The following RCN1 variants were observed in gnomAD, a reference collection of about 807,000 sequenced individuals.
The protein encoded by RCN1 is reticulocalbin-1.
Under a neutral mutation model 34.7 loss-of-function variants are expected in RCN1, and 14 were observed. That is an observed-to-expected ratio of 0.40 (90% CI 0.27 to 0.63). RCN1 has a LOEUF of 0.63. Ranked by LOEUF, RCN1 falls within the 30% of genes least tolerant of loss-of-function variation. The pLI is 0.37. For synonymous variants in RCN1, 125 were observed against 165.5 expected, an observed-to-expected ratio of 0.76 and a Z score of 1.88; for missense variants, 326 against 425.1, an observed-to-expected ratio of 0.77 and a Z score of 2.05.
At chr11:32,103,610 C>A in intron 5 of RCN1, 130 bp downstream of exon 5, 1 of 757,306 alleles carries the variant, frequency 1.3e-6, no homozygotes, top group Non-Finnish European at 2.2e-6. Flanking sequence ...TCTTGTCCTA[C>A]AGTGGAGACC....
chr11:32,095,332 G>T (rs1401399197), intron 1 of RCN1, among the ~76,000 whole-genome samples: 1 of 151,018 alleles, frequency 6.6e-6, no homozygotes, highest in African/African-American at 2.4e-5. Flanking sequence ...CTGCAGCCTC[G>T]ACCTCCTGGG....
chr11:32,099,024 A>G (rs1164617311), intron 3 of RCN1, among the ~76,000 whole-genome samples: 1 of 152,220 alleles, frequency 6.6e-6, no homozygotes, highest in Non-Finnish European at 1.5e-5. Context: ...ACGTGCCTAG[A>G]AAGAGTAAAT....
intron 1 of RCN1, among the ~76,000 whole-genome samples, chr11:32,095,201 C>T (rs947517305): frequency 1.3e-5 from 2 of 151,846 alleles, no homozygotes; most frequent in African/African-American, 4.8e-5. Context: ...GCTATGATTT[C>T]CTGGGGGAAG....
At chr11:32,104,331 C>T in intron 5 of RCN1, 34 bp from the exon 6 acceptor site, 5 of 1,270,464 alleles carry the variant, frequency 3.9e-6, no homozygotes, top group Non-Finnish European at 4.6e-6. Flanking sequence ...GTTACCAGAG[C>T]TTCCATGACA....
rs1851921128 is a variant in RCN1 at position 32,091,492 on chromosome 11, TCCGAGGG to T, written c.254+46_254+52del. ...GGCCCCGTGGGGGGCGGCGCAGGTG[TCCGAGGG>T]CCGCCTGGGCGAGAGCCACGCGGGA... On this transcript the variant is annotated intron_variant, in intron 1 of 5. Coordinates refer to ENST00000054950, the MANE Select transcript of RCN1 (RefSeq NM_002901.4). The T allele has an allele frequency of 3.9e-6, 6 of 1,525,228 alleles. No individual in the cohort carries two copies. The East Asian group carries it at 1.5e-4, about 39-fold the overall frequency. 94.5% of individuals were successfully genotyped at this position (1,525,228 alleles called of 1,614,324 possible). A position where few individuals can be genotyped will look rare whatever the true frequency, so the allele number is the denominator to read the frequency against.
chr11:32,102,931 G>A (rs1018101346), intron 4 of RCN1: 2 of 450,898 alleles, frequency 4.4e-6, no homozygotes, highest in African/African-American at 4.0e-5. Flanking sequence ...GGTTGTAGAG[G>A]GCTTTTACAT....
chr11:32,092,346 G>T (rs1435689460), intron 1 of RCN1, among the ~76,000 whole-genome samples: 2 of 152,088 alleles, frequency 1.3e-5, no homozygotes, highest in Non-Finnish European at 2.9e-5. Context: ...CTAGTGTAGG[G>T]ATACAAAAAT....
intron 1 of RCN1, among the ~76,000 whole-genome samples, chr11:32,093,827 T>A (rs559684718): frequency 3.0e-4 from 45 of 152,108 alleles, no homozygotes; most frequent in Non-Finnish European, 5.7e-4. Flanking sequence ...ACAGAGAACA[T>A]AATCAAGGCA....
At chr11:32,093,710 CAGGA>C (rs1428175785) in intron 1 of RCN1, among the ~76,000 whole-genome samples, 4 of 152,150 alleles carry the variant, frequency 2.6e-5, no homozygotes, top group Non-Finnish European at 5.9e-5. Flanking sequence ...AAGGGCAGAG[CAGGA>C]AGGACCTTGG....
At chr11:32,095,904 A>G (rs1225106142) in intron 1 of RCN1, among the ~76,000 whole-genome samples, 1 of 152,090 alleles carries the variant, frequency 6.6e-6, no homozygotes, top group Non-Finnish European at 1.5e-5. Context: ...GCTGTTGGTG[A>G]TGTTTACACC....
At chr11:32,100,235 T>A (rs1042405866) in intron 3 of RCN1, among the ~76,000 whole-genome samples, 17 of 152,082 alleles carry the variant, frequency 1.1e-4, no homozygotes, top group African/African-American at 4.1e-4. Flanking sequence ...CCCCAGTGGG[T>A]GTTTTGGCTG....
At chr11:32,104,254 A>T in intron 5 of RCN1, 111 bp from the exon 6 acceptor site, 2 of 665,408 alleles carry the variant, frequency 3.0e-6, no homozygotes, top group Non-Finnish European at 5.2e-6. Context: ...CTTCTGGATT[A>T]CTAAATATAG....
intron 3 of RCN1, 76 bp downstream of exon 3, chr11:32,098,604 G>C (rs759742197): frequency 1.6e-6 from 2 of 1,222,076 alleles, no homozygotes; most frequent in African/African-American, 3.1e-5. Flanking sequence ...CTTCCAAAGA[G>C]AGAAGATTTT....
At position 32,092,738 on chromosome 11, in the gene RCN1, T is replaced by C. The variant is rs138940036; in HGVS notation, c.254+1288T>C. ...GGGAAGAAACCAGCAGTCCTGCCTA[T>C]TGGGCACCAGGTCTCAGATCTCCCT... On this transcript the variant is annotated intron_variant, in intron 1 of 5. Coordinates refer to ENST00000054950, the MANE Select transcript of RCN1 (RefSeq NM_002901.4). 3.6e-3 allele frequency among the ~76,000 whole-genome samples: 545 copies of C among 152,186 alleles called. 3 individuals are homozygous for C. The highest frequency in any genetic ancestry group is 0.015 in the East Asian group (80 of 5,164).
Position 32,097,381 on chromosome 11 carries a change from C to T in RCN1, c.448+44C>T. On this transcript the variant is annotated intron_variant, in intron 2 of 5. Transcript: ENST00000054950. ...GCGATGACACAGTGGGGGCCCAGAT[C>T]ACAAGCTTTTTGTAGACTCTCTCTT... The T allele has an allele frequency of 2.9e-6, 4 of 1,386,076 alleles. No homozygotes were observed. In the South Asian group the frequency reaches 4.8e-5, roughly 17 times the overall value. 85.9% of individuals were successfully genotyped at this position (1,386,076 alleles called of 1,614,324 possible).
Position 32,091,113 on chromosome 11 carries a change from G to A in RCN1, c.-84G>A. The A allele has an allele frequency of 3.0e-6, 4 of 1,354,940 alleles. No individual in the cohort carries two copies. Among genetic ancestry groups the A allele is most frequent in the Non-Finnish European group, 3.8e-6 (4 of 1,058,266 alleles). 83.9% of individuals were successfully genotyped at this position (1,354,940 alleles called of 1,614,324 possible). On this transcript the variant is annotated 5_prime_UTR_variant, in exon 1 of 6. Transcript: ENST00000054950. The stretch of plus-strand genomic sequence containing the variant: ...CGCCGGCCCCAACCCTGTCGCTGCC[G>A]CCGCGCTCCGAGTCCCCATTCCCGA...
chr11:32,092,828 C>G (rs1728355688), intron 1 of RCN1, among the ~76,000 whole-genome samples: 1 of 152,136 alleles, frequency 6.6e-6, no homozygotes, highest in Non-Finnish European at 1.5e-5. Flanking sequence ...ACAGCCATCC[C>G]TGTGCTCCTG....
chr11:32,093,759 C>T (rs547239546), intron 1 of RCN1, among the ~76,000 whole-genome samples: 1 of 152,198 alleles, frequency 6.6e-6, no homozygotes, highest in South Asian at 2.1e-4. Context: ...TGTACATTGT[C>T]AAAATGTCAT....
In RCN1 at chr11:32,091,186, T is replaced by C; in HGVS notation, c.-11T>C. ...CAGCGTCTCCCTCTCGGCCGCCCTC[T>C]CCTCGGGACGATGGCGCGCGGTGGC... On this transcript the variant is annotated 5_prime_UTR_variant, in exon 1 of 6. Transcript: ENST00000054950. 7.1e-7 allele frequency: 1 copy of C among 1,412,540 alleles called. No homozygotes were observed. The highest frequency in any genetic ancestry group is 1.5e-5 in the African/African-American group (1 of 65,556). The allele number at this position is 1,412,540 out of a possible 1,614,324, so 87.5% of individuals were successfully genotyped here.
Sources: allele counts gnomAD v4.1 joint callset (sites outside exome capture counted in the v4.1 genomes callset), GRCh38; gene constraint gnomAD v4.1.1; transcripts MANE v1.5; gene names NCBI Gene and HGNC (gene_info 2026-07-23, HGNC 2026-07-21).